RNASEH2B: variants seen among roughly 807,000 people sequenced by gnomAD.
The protein encoded by RNASEH2B is ribonuclease H2 subunit B, also known as Aicardi-Goutieres syndrome 2 protein.
In RNASEH2B, 36 loss-of-function variants were observed where a neutral mutation model predicts 45.0. That is an observed-to-expected ratio of 0.80 (90% CI 0.61 to 1.06). The LOEUF is 1.06. Ranked by LOEUF, RNASEH2B falls within the 50% of genes least tolerant of loss-of-function variation. The probability of loss-of-function intolerance (pLI) is 0.00; values close to 1 mark genes in which losing one functional copy is unlikely to be tolerated. For missense variants in RNASEH2B, 361 were observed against 360.3 expected (o/e 1.00, Z -0.02); for synonymous variants, 119 against 125.7 (o/e 0.95, Z 0.35).
chr13:50,964,474 C>A (rs914387890), intron 9 of RNASEH2B, among the ~76,000 whole-genome samples: 3 of 152,092 alleles, frequency 2.0e-5, no homozygotes, highest in Non-Finnish European at 2.9e-5. Flanking sequence ...GAGTGCCATA[C>A]GAGCCAGAAT....
intron 6 of RNASEH2B, among the ~76,000 whole-genome samples, chr13:50,944,516 C>T (rs1951875349): frequency 6.6e-6 from 1 of 151,990 alleles, no homozygotes. Flanking sequence ...GGGCTTAAAA[C>T]CTAGATGATG....
At chr13:50,916,215 T>A (rs1338979905) in intron 1 of RNASEH2B, among the ~76,000 whole-genome samples, 1 of 150,070 alleles carries the variant, frequency 6.7e-6, no homozygotes, top group Non-Finnish European at 1.5e-5. Flanking sequence ...CTTCTTAAAT[T>A]TTTTTTTCTT....
At chr13:50,914,291 G>A (rs532216516) in intron 1 of RNASEH2B, among the ~76,000 whole-genome samples, 2 of 152,102 alleles carry the variant, frequency 1.3e-5, no homozygotes, top group African/African-American at 2.4e-5. Context: ...TTGTCAAAAC[G>A]GTATGTATGT....
chr13:50,956,442 GT>G lies in RNASEH2B; in HGVS notation c.908del (p.Val303GlufsTer32). ...GMKSIDTFFG[V>X]KNKKKIGKV ...GAAAAGTATTGATACCTTTTTTGGGGTAAAAAATAAAAAAAAAATTGGAAAG... is the reference window on the plus strand; with the variant it reads ...GAAAAGTATTGATACCTTTTTTGGGGAAAAAATAAAAAAAAAATTGGAAAG... On this transcript the variant is annotated frameshift_variant, in exon 11 of 11. Coordinates refer to ENST00000336617, the MANE Select transcript of RNASEH2B (RefSeq NM_024570.4). LOFTEE classifies it high-confidence loss of function. The G allele has an allele frequency of 6.3e-7, 1 of 1,597,560 alleles. No individual in the cohort carries two copies. The highest frequency in any genetic ancestry group is 1.1e-5 in the South Asian group (1 of 89,476).
intron 3 of RNASEH2B, 99 bp downstream of exon 3, chr13:50,929,681 C>A: frequency 1.3e-6 from 1 of 767,488 alleles, no homozygotes; most frequent in Non-Finnish European, 2.3e-6. Flanking sequence ...GGTTTGGAGT[C>A]TGGTCACTGG....
At chr13:50,930,829 C>T in intron 4 of RNASEH2B, 70 bp downstream of exon 4, 1 of 1,124,664 alleles carries the variant, frequency 8.9e-7, no homozygotes. Context: ...TCTCCTCTCT[C>T]TCCTTTTAAT....
chr13:50,965,835 A>G (rs1952159810), intron 9 of RNASEH2B, among the ~76,000 whole-genome samples: 1 of 152,226 alleles, frequency 6.6e-6, no homozygotes, highest in Non-Finnish European at 1.5e-5. Flanking sequence ...CGTAGCATTT[A>G]GAGATTATTT....
At chr13:50,911,937 C>T (rs1265469986) in intron 1 of RNASEH2B, 1 of 152,030 alleles carries the variant, frequency 6.6e-6, no homozygotes, top group Non-Finnish European at 1.5e-5. Flanking sequence ...TGTTTGTGTC[C>T]TTGTATTAAA....
chr13:50,962,287 G>T (rs1952119629), intron 9 of RNASEH2B, among the ~76,000 whole-genome samples: 1 of 152,160 alleles, frequency 6.6e-6, no homozygotes, highest in Non-Finnish European at 1.5e-5. Flanking sequence ...TGGTGTTGTT[G>T]CTTCCTTATA....
rs562794294 is a variant in RNASEH2B at position 50,924,287 on chromosome 13, C to T, written c.65-3120C>T. On this transcript the variant is annotated intron_variant, in intron 1 of 10. Transcript: ENST00000336617. ...ACCCAATTATATCCTATCTACTAGA[C>T]ACACTTACACACACTTTAAATTTAA... Among the ~76,000 whole-genome samples the T allele has an allele frequency of 2.0e-5, 3 of 152,250 alleles. No homozygotes were observed. The South Asian group carries it at 6.2e-4, about 32-fold the overall frequency.
chr13:50,914,652 T>C (rs1157639771), intron 1 of RNASEH2B, among the ~76,000 whole-genome samples: 1 of 152,206 alleles, frequency 6.6e-6, no homozygotes, highest in Non-Finnish European at 1.5e-5. Flanking sequence ...CTGAGCACGT[T>C]CTGAAGTGGA....
chr13:50,928,932 CTTTTTTTTTTTTT>C (rs35147830), intron 2 of RNASEH2B, among the ~76,000 whole-genome samples: 13 of 87,878 alleles, frequency 1.5e-4, no homozygotes, highest in African/African-American at 5.7e-4. Flanking sequence ...TGCCTCCTCC[CTTTTTTTTTTTTT>C]TTTTTTTTTT....
At chr13:50,947,864 A>C in intron 7 of RNASEH2B, 123 bp from the exon 8 acceptor site, 7 of 1,505,568 alleles carry the variant, frequency 4.6e-6, no homozygotes, top group Non-Finnish European at 6.3e-6. Flanking sequence ...CTGAGGCTAG[A>C]GCTTAAGTGA....
intron 1 of RNASEH2B, among the ~76,000 whole-genome samples, chr13:50,924,376 G>C (rs1951562822): frequency 6.6e-6 from 1 of 152,110 alleles, no homozygotes; most frequent in Non-Finnish European, 1.5e-5. Context: ...GTAACTGAAG[G>C]AGAGCTGGAG....
intron 5 of RNASEH2B, chr13:50,936,712 G>A (rs1034411221): frequency 4.6e-5 from 7 of 152,180 alleles, no homozygotes; most frequent in African/African-American, 1.7e-4. Flanking sequence ...TTAACTCATT[G>A]TCCAGAATTC....
At chr13:50,930,865 G>C in intron 4 of RNASEH2B, 106 bp downstream of exon 4, 2 of 880,212 alleles carry the variant, frequency 2.3e-6, no homozygotes, top group South Asian at 1.3e-5. Context: ...TCTACCTTCA[G>C]ATCTATTATA....
In RNASEH2B at chr13:50,948,070, T is replaced by G. The variant is rs1363845477; in HGVS notation, c.698+2T>G. ...TGATGACTTATCTAAATACTTAAAG[T>G]GAGTATTGATTATCTTCAGTCATAA... On this transcript the variant is annotated splice_donor_variant, in intron 8 of 10. Transcript: ENST00000336617. LOFTEE classifies it high-confidence loss of function. 4 of 1,610,858 alleles carry G rather than the reference T, an allele frequency of 2.5e-6. No individual in the cohort carries two copies. Among genetic ancestry groups the G allele is most frequent in the Non-Finnish European group, 3.4e-6 (4 of 1,179,096 alleles).
At chr13:50,943,151 C>G (rs1234357991) in intron 5 of RNASEH2B, 170 bp from the exon 6 acceptor site, 2 of 582,872 alleles carry the variant, frequency 3.4e-6, no homozygotes, top group African/African-American at 3.8e-5. Context: ...AGCCACATTA[C>G]TACTAACATT....
At chr13:50,932,552 T>G (rs754153652) in intron 4 of RNASEH2B, among the ~76,000 whole-genome samples, 1 of 152,212 alleles carries the variant, frequency 6.6e-6, no homozygotes, top group African/African-American at 2.4e-5. Flanking sequence ...TACCCACCAT[T>G]GCATTTGAAT....
Sources: gnomAD v4.1 joint callset for allele counts (sites outside exome capture counted in the v4.1 genomes callset) on GRCh38, gnomAD v4.1.1 for gene constraint, MANE v1.5 for transcripts, NCBI Gene and HGNC (gene_info 2026-07-23, HGNC 2026-07-21) for gene names.